Variants in IQGAP1 observed in about 807,000 individuals in gnomAD.
IQGAP1 encodes IQ motif containing GTPase activating protein 1, also known as ras GTPase-activating-like protein IQGAP1.
Under a neutral mutation model 215.6 loss-of-function variants are expected in IQGAP1, and 66 were observed. The observed-to-expected ratio is 0.31, with a 90% CI of 0.25 to 0.38. The LOEUF (loss-of-function observed/expected upper bound fraction) is 0.38. IQGAP1 is among the 10% of genes least tolerant of loss of function. The pLI, the probability that IQGAP1 is intolerant of heterozygous loss-of-function variation, is 1.00. For missense variants in IQGAP1, 1,712 were observed against 1,997.1 expected (o/e 0.86, Z 2.72); for synonymous variants, 772 against 728.7 (o/e 1.06, Z -0.96).
At chr15:90,442,175 T>C (rs1045005627) in intron 8 of IQGAP1, among the ~76,000 whole-genome samples, 7 of 152,218 alleles carry the variant, frequency 4.6e-5, no homozygotes, top group Non-Finnish European at 8.8e-5. Flanking sequence ...ACAGTTGTTA[T>C]GGGTATGTGG....
At chr15:90,461,492 A>G (rs768805027) in intron 15 of IQGAP1, among the ~76,000 whole-genome samples, 1 of 152,242 alleles carries the variant, frequency 6.6e-6, no homozygotes, top group Non-Finnish European at 1.5e-5. Flanking sequence ...TACAGTCTGA[A>G]TGCAAGACAT....
At chr15:90,474,809 A>G (rs1264988558) in intron 23 of IQGAP1, 116 bp downstream of exon 23, 6 of 730,702 alleles carry the variant, frequency 8.2e-6, no homozygotes, top group South Asian at 1.8e-5. Flanking sequence ...AGCTACTGCC[A>G]TAAGAGCTTT....
chr15:90,474,536 T>C lies in IQGAP1; in HGVS notation c.2627T>C (p.Leu876Pro). The change falls in exon 23 of 38, where the codon CTG becomes CCG. Residue 876 changes from leucine (L) to proline (P), a missense_variant. Leu to Pro is a moderately conservative substitution (Grantham distance 98). Around this residue, in one of 2 missense-constraint regions of IQGAP1, gnomAD observed 1,021 missense variants for 1,074.2 expected, o/e 0.95. Coordinates refer to ENST00000268182, the MANE Select transcript of IQGAP1 (RefSeq NM_003870.4). ...MVVVRKFVHL[L>P]DQSDQDFQEE... ...GTGGTCCGAAAATTTGTCCACCTGC[T>C]GGACCAAAGTGACCAGGATTTTCAG... The C allele has an allele frequency of 6.2e-7, 1 of 1,614,240 alleles. No individual in the cohort carries two copies. Among genetic ancestry groups the C allele is most frequent in the Non-Finnish European group, 8.5e-7 (1 of 1,180,042 alleles).
intron 2 of IQGAP1, among the ~76,000 whole-genome samples, chr15:90,405,648 G>A (rs1489431007): frequency 6.6e-6 from 1 of 151,740 alleles, no homozygotes; most frequent in East Asian, 1.9e-4. Context: ...AAATTATTTG[G>A]AATCTTTGTC....
At chr15:90,497,184 T>C in intron 36 of IQGAP1, 48 bp from the exon 37 acceptor site, 1 of 963,628 alleles carries the variant, frequency 1.0e-6, no homozygotes, top group Non-Finnish European at 1.6e-6. Flanking sequence ...AGAATATTTT[T>C]ATATGAGAAT....
At chr15:90,388,562 C>T (rs1358816254) in intron 1 of IQGAP1, among the ~76,000 whole-genome samples, 166 bp downstream of exon 1, 1 of 152,032 alleles carries the variant, frequency 6.6e-6, no homozygotes, top group Non-Finnish European at 1.5e-5. Flanking sequence ...GGGGAGGCCC[C>T]TGGTTCGCGC....
intron 2 of IQGAP1, among the ~76,000 whole-genome samples, chr15:90,421,432 T>C (rs1965134390): frequency 6.7e-6 from 1 of 149,280 alleles, no homozygotes; most frequent in South Asian, 2.1e-4. Flanking sequence ...GCTGACATCA[T>C]GCCACTGCAC....
chr15:90,483,180 A>G (rs1966082404), intron 28 of IQGAP1, 181 bp from the exon 29 acceptor site: 2 of 570,112 alleles, frequency 3.5e-6, no homozygotes. Context: ...GGGATATTTC[A>G]TTTAGTTCCA....
intron 9 of IQGAP1, among the ~76,000 whole-genome samples, chr15:90,445,466 T>C (rs1965514085): frequency 6.6e-6 from 1 of 152,156 alleles, no homozygotes. Flanking sequence ...AAATCTCCTG[T>C]GTCGTACACA....
rs1965216433 is a variant in IQGAP1, at chr15:90,426,023, A to C, written c.156-87A>C. 3.1e-6 allele frequency: 4 copies of C among 1,302,578 alleles called. No individual in the cohort carries two copies. The East Asian group carries it at 9.9e-5, about 32-fold the overall frequency. 80.7% of individuals were successfully genotyped at this position (1,302,578 alleles called of 1,614,324 possible). On this transcript the variant is annotated intron_variant, in intron 2 of 37. Transcript: ENST00000268182. ...TATTATGTTCAGTTTAAGCTTCTCC[A>C]AGGAGAATGGAAATAAAGCTTAAAA...
intron 2 of IQGAP1, among the ~76,000 whole-genome samples, chr15:90,412,411 G>A (rs1435159229): frequency 6.6e-6 from 1 of 152,086 alleles, no homozygotes; most frequent in East Asian, 1.9e-4. Flanking sequence ...GCTCAGAATG[G>A]TCTTTTGAAT....
In IQGAP1 at chr15:90,500,879, T is replaced by G. The variant is rs914982454; in HGVS notation, c.*771T>G. ...GCCTGTTTTTGTTGGTGCACAGAGA[T>G]TGACTTGATTCAGAGAGACAATTCA... On this transcript the variant is annotated 3_prime_UTR_variant, in exon 38 of 38. Coordinates refer to ENST00000268182, the MANE Select transcript of IQGAP1 (RefSeq NM_003870.4). The G allele has an allele frequency of 1.3e-5, 2 of 152,614 alleles. No homozygotes were observed. Among genetic ancestry groups the G allele is most frequent in the Non-Finnish European group, 2.9e-5 (2 of 68,030 alleles). 9.5% of individuals were successfully genotyped at this position (152,614 alleles called of 1,614,324 possible).
chr15:90,447,203 A>G (rs1192208784), intron 9 of IQGAP1, among the ~76,000 whole-genome samples: 2 of 152,232 alleles, frequency 1.3e-5, no homozygotes, highest in Admixed American at 6.5e-5. Flanking sequence ...ACCTGCAGAC[A>G]TGACTTGAGA....
chr15:90,422,382 G>A (rs1965148912), intron 2 of IQGAP1, among the ~76,000 whole-genome samples: 1 of 151,738 alleles, frequency 6.6e-6, no homozygotes, highest in Admixed American at 6.6e-5. Flanking sequence ...GTACTTCTAA[G>A]GACCTTTACT....
chr15:90,395,585 G>A (rs982301098), intron 2 of IQGAP1, among the ~76,000 whole-genome samples: 2 of 152,226 alleles, frequency 1.3e-5, no homozygotes, highest in African/African-American at 4.8e-5. Flanking sequence ...CTCCCACAGT[G>A]CTGGGATTAC....
At chr15:90,397,510 CTTTTTT>C (rs892748490) in intron 2 of IQGAP1, among the ~76,000 whole-genome samples, 11 of 106,404 alleles carry the variant, frequency 1.0e-4, no homozygotes, top group African/African-American at 4.3e-4. Flanking sequence ...ACTCAACAAA[CTTTTTT>C]TTTTTTTTTT....
At chr15:90,473,206 G>A (rs2151031953) in intron 19 of IQGAP1, 196 bp downstream of exon 19, 1 of 555,592 alleles carries the variant, frequency 1.8e-6, no homozygotes, top group Non-Finnish European at 3.2e-6. Flanking sequence ...CTGGCACAGT[G>A]GCAGTTCTTG....
chr15:90,476,615 G>A, intron 23 of IQGAP1, 48 bp from the exon 24 acceptor site: 1 of 1,449,442 alleles, frequency 6.9e-7, no homozygotes, highest in Non-Finnish European at 9.3e-7. Context: ...ATGCCCAGAG[G>A]TTCATCTTTG....
chr15:90,425,367 C>G (rs1371718092), intron 2 of IQGAP1, among the ~76,000 whole-genome samples: 1 of 152,042 alleles, frequency 6.6e-6, no homozygotes, highest in South Asian at 2.1e-4. Flanking sequence ...CTTTAGTTAC[C>G]TATGTTTCCG....
Sources: allele counts gnomAD v4.1 joint callset (sites outside exome capture counted in the v4.1 genomes callset), GRCh38; gene constraint gnomAD v4.1.1; regional missense constraint gnomAD v4.1.1; transcripts MANE v1.5; gene names NCBI Gene and HGNC (gene_info 2026-07-23, HGNC 2026-07-21).